The following SLC12A1 variants were observed in gnomAD, a reference collection of about 807,000 sequenced individuals.
SLC12A1 encodes solute carrier family 12 member 1.
Under a neutral mutation model 130.4 loss-of-function variants are expected in SLC12A1, and 89 were observed. That is an observed-to-expected ratio of 0.68 (90% CI 0.58 to 0.81). SLC12A1 has a LOEUF of 0.81. Among genes scored for constraint, SLC12A1 ranks in the 40% least tolerant of loss-of-function variants. SLC12A1 has a pLI of 0.00. For synonymous variants in SLC12A1, 499 were observed against 460.0 expected, an observed-to-expected ratio of 1.08 and a Z score of -1.09; for missense variants, 1,310 against 1,336.4, an observed-to-expected ratio of 0.98 and a Z score of 0.31.
At chr15:48,244,437 T>C (rs577693802) in intron 10 of SLC12A1, among the ~76,000 whole-genome samples, 16 of 152,316 alleles carry the variant, frequency 1.1e-4, no homozygotes, top group Middle Eastern at 3.4e-3. Context: ...GCCAGACATA[T>C]ATATTGAGTA....
At chr15:48,251,903 A>C in intron 15 of SLC12A1, 133 bp downstream of exon 15, 1 of 760,360 alleles carries the variant, frequency 1.3e-6, no homozygotes, top group Non-Finnish European at 2.1e-6. Flanking sequence ...ATCGTGCAAT[A>C]TAATAGTAAC....
In SLC12A1 at chr15:48,250,607, GAGAC is replaced by G. The variant is rs2041635772; in HGVS notation, c.1786+934_1786+937del. ...AAAAAGAGAACGGGAAAGAAGGAGA[GAGAC>G]AGGAAAATATAGAACAGCATATAGA... is the stretch of plus-strand genomic sequence containing the variant. On this transcript the variant is annotated intron_variant, in intron 14 of 26. Transcript: ENST00000380993. Among the ~76,000 whole-genome samples, 3 of 151,364 alleles carry G rather than the reference GAGAC, an allele frequency of 2.0e-5. No homozygotes were observed. In the Admixed American group the frequency reaches 2.0e-4, roughly 10 times the overall value.
chr15:48,241,105 TA>T (rs951634441), intron 9 of SLC12A1, among the ~76,000 whole-genome samples: 5 of 151,886 alleles, frequency 3.3e-5, no homozygotes, highest in South Asian at 4.1e-4. Flanking sequence ...AAGCTCAGTA[TA>T]AAAAAAATAC....
At chr15:48,298,427 T>C (rs1192008398) in intron 24 of SLC12A1, among the ~76,000 whole-genome samples, 3 of 152,268 alleles carry the variant, frequency 2.0e-5, no homozygotes, top group African/African-American at 4.8e-5. Context: ...TCTTTTTAAA[T>C]GTTCTAACAT....
At chr15:48,273,596 A>G (rs1011147552) in intron 19 of SLC12A1, among the ~76,000 whole-genome samples, 11 of 152,306 alleles carry the variant, frequency 7.2e-5, no homozygotes, top group African/African-American at 2.4e-4. Context: ...CAGAAACAAG[A>G]TTTGTTTATG....
At chr15:48,269,919 A>T (rs1597443613) in intron 19 of SLC12A1, among the ~76,000 whole-genome samples, 155 bp downstream of exon 19, 2 of 152,204 alleles carry the variant, frequency 1.3e-5, no homozygotes, top group Admixed American at 1.3e-4. Flanking sequence ...GGTGAAAAAA[A>T]CACCACCAAT....
intron 16 of SLC12A1, among the ~76,000 whole-genome samples, chr15:48,257,799 C>T (rs2041724825): frequency 1.3e-5 from 2 of 152,206 alleles, no homozygotes; most frequent in South Asian, 2.1e-4. Flanking sequence ...CTGACATGCC[C>T]CGGAAATATT....
intron 22 of SLC12A1, 95 bp downstream of exon 22, chr15:48,288,269 G>A: frequency 7.8e-7 from 1 of 1,287,218 alleles, no homozygotes; most frequent in Non-Finnish European, 1.1e-6. Flanking sequence ...ACTGGTTAAA[G>A]AATAACATTT....
chr15:48,251,612 C>T lies in SLC12A1; in HGVS notation c.1787-3C>T. 2 of 1,612,380 alleles carry T rather than the reference C, an allele frequency of 1.2e-6. No individual in the cohort carries two copies. The highest frequency in any genetic ancestry group is 1.7e-6 in the Non-Finnish European group (2 of 1,178,522). ...GTTTTCCTTCTGCATATTTTGTTTT[C>T]AGGATGGAGACCTGCGTATGGAATT... On this transcript the variant is annotated splice_region_variant and splice_polypyrimidine_tract_variant and intron_variant, in intron 14 of 26. Transcript: ENST00000380993.
In SLC12A1 at chr15:48,207,818, T is replaced by C. The variant is rs769791561; in HGVS notation, c.99T>C (p.Ser33=). The C allele has an allele frequency of 8.1e-6, 13 of 1,613,990 alleles. No homozygotes were observed. The highest frequency in any genetic ancestry group is 4.4e-5 in the South Asian group (4 of 91,086). The change falls in exon 2 of 27, where the codon AGT becomes AGC. Residue 33 remains serine (S), a synonymous_variant. Transcript: ENST00000380993. ...TCATAAATGAGAACCATGAGAGCAG[T>C]GCAGCTGCAGATGACAATACTGACC... ...VSVINENHES[S]AAADDNTDPP... is the part of the protein sequence containing the mutation.
rs559437084 is a variant in SLC12A1, at chr15:48,297,291, G to T, written c.2961-1849G>T. ...GCTCAGGGTCCAGGGCTCCTTTCAG[G>T]TTTCACTAACCTAAGCCACTGAGAC... On this transcript the variant is annotated intron_variant, in intron 24 of 26. Transcript: ENST00000380993. Among the ~76,000 whole-genome samples the T allele has an allele frequency of 9.2e-4, 140 of 152,268 alleles. No individual in the cohort carries two copies. The Middle Eastern group carries it at 0.017, about 18-fold the overall frequency.
chr15:48,268,499 G>A lies in SLC12A1; in HGVS notation c.2295+798G>A, dbSNP rs146506292. 4.8e-3 allele frequency among the ~76,000 whole-genome samples: 736 copies of A among 152,238 alleles called. 8 individuals are homozygous for A. Among genetic ancestry groups the A allele is most frequent in the Middle Eastern group, 0.044 (13 of 294 alleles). On this transcript the variant is annotated intron_variant, in intron 18 of 26. Coordinates refer to ENST00000380993, the MANE Select transcript of SLC12A1 (RefSeq NM_000338.3). ...TTTCAGAGTGTCAGAAGTCAGAACTGCATCCAGGTAACTCAGATGCGCATG... is the reference window on the plus strand; with the variant it reads ...TTTCAGAGTGTCAGAAGTCAGAACTACATCCAGGTAACTCAGATGCGCATG...
chr15:48,226,655 AG>A, intron 5 of SLC12A1, 84 bp downstream of exon 5: 6 of 824,592 alleles, frequency 7.3e-6, no homozygotes, highest in Non-Finnish European at 1.0e-5. Context: ...GATGGGAACA[AG>A]GAAGTAGCCC....
chr15:48,244,922 A>G lies in SLC12A1; in HGVS notation c.1452+18A>G, dbSNP rs771149519. On this transcript the variant is annotated intron_variant, in intron 11 of 26. Transcript: ENST00000380993. ...ATTTCCAGGTTTGAAGCAAAATTCA[A>G]AAATGTTCACTGCTATTATTTTCAT... 6.2e-7 allele frequency: 1 copy of G among 1,612,692 alleles called. No homozygotes were observed. Among genetic ancestry groups the G allele is most frequent in the South Asian group, 1.1e-5 (1 of 91,000 alleles).
At chr15:48,279,015 G>A (rs2141103386) in intron 20 of SLC12A1, among the ~76,000 whole-genome samples, 1 of 152,278 alleles carries the variant, frequency 6.6e-6, no homozygotes, top group South Asian at 2.1e-4. Flanking sequence ...TCTTAGTCAA[G>A]AAAGGGAAAA....
intron 21 of SLC12A1, among the ~76,000 whole-genome samples, chr15:48,285,465 TA>T (rs1014591468): frequency 2.0e-5 from 3 of 152,346 alleles, no homozygotes; most frequent in Admixed American, 6.5e-5. Context: ...TGTCAAAAAT[TA>T]TTTTTTAAAT....
At chr15:48,293,218 T>A (rs916705648) in intron 24 of SLC12A1, among the ~76,000 whole-genome samples, 3 of 152,220 alleles carry the variant, frequency 2.0e-5, no homozygotes, top group Admixed American at 6.5e-5. Context: ...AACACTGATA[T>A]TTGAAAACAG....
At chr15:48,240,289 T>C (rs1032232163) in intron 9 of SLC12A1, among the ~76,000 whole-genome samples, 1 of 151,834 alleles carries the variant, frequency 6.6e-6, no homozygotes, top group African/African-American at 2.4e-5. Flanking sequence ...ATGACTGCCT[T>C]CTTTTTCCTT....
At chr15:48,280,793 C>T (rs546408293) in intron 20 of SLC12A1, among the ~76,000 whole-genome samples, 9 of 151,894 alleles carry the variant, frequency 5.9e-5, no homozygotes, top group East Asian at 1.9e-4. Context: ...ACTTTGTATA[C>T]GGTATTAACT....
Sources: allele counts gnomAD v4.1 joint callset (sites outside exome capture counted in the v4.1 genomes callset), GRCh38; gene constraint gnomAD v4.1.1; transcripts MANE v1.5; gene names NCBI Gene and HGNC (gene_info 2026-07-23, HGNC 2026-07-21).